The following PSMD14 variants were observed in gnomAD, a reference collection of about 807,000 sequenced individuals.
The protein encoded by PSMD14 is proteasome 26S subunit, non-ATPase 14.
A neutral mutation model predicts 41.2 loss-of-function variants in PSMD14; 7 were observed. The observed-to-expected ratio is 0.17, with a 90% CI of 0.10 to 0.32. PSMD14 has a LOEUF of 0.32. Ranked by LOEUF, PSMD14 falls within the 10% of genes least tolerant of loss-of-function variation. PSMD14 has a pLI of 1.00. For synonymous variants in PSMD14, 114 were observed against 122.3 expected (o/e 0.93, Z 0.45); for missense variants, 139 against 375.6 (o/e 0.37, Z 5.21).
At chr2:161,326,036 T>C (rs1362152806) in intron 3 of PSMD14, among the ~76,000 whole-genome samples, 2 of 152,160 alleles carry the variant, frequency 1.3e-5, no homozygotes, top group East Asian at 1.9e-4. Context: ...AATCAAACTT[T>C]ATAATTTTTT....
Position 161,408,861 on chromosome 2 carries a change from A to C in PSMD14, c.796A>C (p.Thr266Pro). The C allele has an allele frequency of 6.2e-7, 1 of 1,607,278 alleles. No homozygotes were observed. Among genetic ancestry groups the C allele is most frequent in the Non-Finnish European group, 8.5e-7 (1 of 1,175,094 alleles). The change falls in exon 11 of 12, where the codon ACA becomes CCA. Residue 266 changes from threonine to proline, a missense_variant. Coordinates refer to ENST00000409682, the MANE Select transcript of PSMD14 (RefSeq NM_005805.6). ...GGCTGTAGAAGAAGAAGATAAGATG[A>C]CACCTGAACAGCTGGCAATAAAGAA... ...NKAVEEEDKM[T>P]PEQLAIKNVG...
chr2:161,400,375 C>G (rs1683859105), intron 10 of PSMD14, among the ~76,000 whole-genome samples: 1 of 152,106 alleles, frequency 6.6e-6, no homozygotes, highest in African/African-American at 2.4e-5. Flanking sequence ...AGTTTCCTTT[C>G]AGGATCCTTT....
At chr2:161,348,828 G>T (rs1414369883) in intron 3 of PSMD14, among the ~76,000 whole-genome samples, 1 of 152,184 alleles carries the variant, frequency 6.6e-6, no homozygotes, top group Non-Finnish European at 1.5e-5. Context: ...GCTGGGTGTA[G>T]TGAACTATTG....
At chr2:161,389,491 C>T (rs1354088176) in intron 8 of PSMD14, among the ~76,000 whole-genome samples, 1 of 152,114 alleles carries the variant, frequency 6.6e-6, no homozygotes, top group Non-Finnish European at 1.5e-5. Context: ...TAATTCATTG[C>T]TTCTGATGAT....
At chr2:161,385,321 T>G (rs1683620227) in intron 7 of PSMD14, 143 bp from the exon 8 acceptor site, 7 of 423,726 alleles carry the variant, frequency 1.7e-5, no homozygotes, top group Non-Finnish European at 2.5e-5. Flanking sequence ...CAGCAGGAGG[T>G]TCTTTTTTAT....
intron 3 of PSMD14, among the ~76,000 whole-genome samples, chr2:161,325,696 G>C (rs1382946714): frequency 6.6e-6 from 1 of 152,082 alleles, no homozygotes; most frequent in Non-Finnish European, 1.5e-5. Flanking sequence ...AATAGTTCAA[G>C]AATAGCAAAG....
At chr2:161,330,594 G>C (rs564043279) in intron 3 of PSMD14, among the ~76,000 whole-genome samples, 1 of 152,204 alleles carries the variant, frequency 6.6e-6, no homozygotes, top group South Asian at 2.1e-4. Context: ...AACCCAAGCA[G>C]GTAGGACTGA....
rs549819575 is a variant in PSMD14 at position 161,340,702 on chromosome 2, G to A, written c.48+21829G>A. ...AGAGCTCAGCAGATTTATGGAGGCA[G>A]CATGCACCCTGGGCGCCTGCCCAGA... On this transcript the variant is annotated intron_variant, in intron 3 of 11. Coordinates refer to ENST00000409682, the MANE Select transcript of PSMD14 (RefSeq NM_005805.6). 3.2e-6 allele frequency: 5 copies of A among 1,550,264 alleles called. No individual in the cohort carries two copies. The East Asian group carries it at 9.4e-5, about 29-fold the overall frequency.
At chr2:161,344,426 C>G (rs1271226386) in intron 3 of PSMD14, among the ~76,000 whole-genome samples, 1 of 152,104 alleles carries the variant, frequency 6.6e-6, no homozygotes, top group Non-Finnish European at 1.5e-5. Context: ...TTCTGGAGAC[C>G]CTTTGTAATA....
At chr2:161,333,649 GT>G (rs1273689905) in intron 3 of PSMD14, among the ~76,000 whole-genome samples, 1 of 152,230 alleles carries the variant, frequency 6.6e-6, no homozygotes, top group African/African-American at 2.4e-5. Context: ...TTCTTCCAGA[GT>G]AGATCACAAT....
intron 7 of PSMD14, among the ~76,000 whole-genome samples, chr2:161,379,822 C>G (rs1459260366): frequency 6.6e-6 from 1 of 152,032 alleles, no homozygotes; most frequent in East Asian, 1.9e-4. Context: ...AAATTTCAGC[C>G]AGGCTGCTGG....
intron 3 of PSMD14, among the ~76,000 whole-genome samples, chr2:161,325,601 A>G (rs577703577): frequency 1.3e-5 from 2 of 152,224 alleles, no homozygotes; most frequent in African/African-American, 2.4e-5. Context: ...CCAATTAATC[A>G]TACATTCAAC....
chr2:161,378,526 T>A (rs548644485), intron 7 of PSMD14, among the ~76,000 whole-genome samples: 8 of 151,972 alleles, frequency 5.3e-5, no homozygotes, highest in Non-Finnish European at 1.2e-4. Context: ...TCAATAGATA[T>A]TTATTTTGCA....
intron 3 of PSMD14, among the ~76,000 whole-genome samples, chr2:161,322,797 A>T (rs1682628037): frequency 6.6e-6 from 1 of 152,136 alleles, no homozygotes; most frequent in Non-Finnish European, 1.5e-5. Context: ...ACTTGGTCTT[A>T]GTTGTTTTAT....
intron 3 of PSMD14, among the ~76,000 whole-genome samples, chr2:161,358,156 C>T (rs1354065887): frequency 6.6e-6 from 1 of 151,956 alleles, no homozygotes; most frequent in African/African-American, 2.4e-5. Flanking sequence ...TCACTTTACC[C>T]AGCATTTCCC....
intron 3 of PSMD14, among the ~76,000 whole-genome samples, chr2:161,342,344 T>A (rs926959199): frequency 6.6e-6 from 1 of 152,190 alleles, no homozygotes; most frequent in African/African-American, 2.4e-5. Flanking sequence ...TTTTTTTTTT[T>A]ATCAGAAGTG....
At chr2:161,334,087 C>T (rs1682833887) in intron 3 of PSMD14, among the ~76,000 whole-genome samples, 1 of 152,118 alleles carries the variant, frequency 6.6e-6, no homozygotes, top group Non-Finnish European at 1.5e-5. Context: ...AATCCTAGCA[C>T]TTTGGGAGGC....
At chr2:161,321,677 G>A (rs1373748061) in intron 3 of PSMD14, among the ~76,000 whole-genome samples, 1 of 152,180 alleles carries the variant, frequency 6.6e-6, no homozygotes, top group African/African-American at 2.4e-5. Flanking sequence ...CCTCAGGTTT[G>A]ATAATTCACT....
intron 9 of PSMD14, 112 bp downstream of exon 9, chr2:161,391,290 A>C: frequency 9.2e-7 from 1 of 1,084,374 alleles, no homozygotes. Context: ...AGTGTTTCCA[A>C]ATATTATTCC....
Sources: allele counts gnomAD v4.1 joint callset (sites outside exome capture counted in the v4.1 genomes callset), GRCh38; gene constraint gnomAD v4.1.1; transcripts MANE v1.5; gene names NCBI Gene and HGNC (gene_info 2026-07-23, HGNC 2026-07-21).